SH3RF3: variants seen among roughly 807,000 people sequenced by gnomAD.
SH3RF3 encodes SH3 domain containing ring finger 3.
Under a neutral mutation model 66.3 loss-of-function variants are expected in SH3RF3, and 29 were observed. That is an observed-to-expected ratio of 0.44 (90% CI 0.33 to 0.60). The LOEUF is 0.60. Among genes scored for constraint, SH3RF3 ranks in the 20% least tolerant of loss-of-function variants. SH3RF3 has a pLI of 0.04. For synonymous variants in SH3RF3, 583 were observed against 532.0 expected, an observed-to-expected ratio of 1.10 and a Z score of -1.32; for missense variants, 1,194 against 1,190.9, an observed-to-expected ratio of 1.00 and a Z score of -0.04.
intron 1 of SH3RF3, among the ~76,000 whole-genome samples, chr2:109,193,453 G>A (rs918290083): frequency 6.6e-6 from 1 of 152,332 alleles, no homozygotes; most frequent in Middle Eastern, 3.4e-3. Context: ...CCAGCTCTGG[G>A]CAACTCTGTG....
At chr2:109,305,826 C>G (rs1420485081) in intron 1 of SH3RF3, among the ~76,000 whole-genome samples, 1 of 152,216 alleles carries the variant, frequency 6.6e-6, no homozygotes, top group African/African-American at 2.4e-5. Flanking sequence ...CTCGGCATCT[C>G]TCACTGAGAA....
intron 8 of SH3RF3, among the ~76,000 whole-genome samples, chr2:109,458,049 A>G (rs1678110797): frequency 6.6e-6 from 1 of 152,184 alleles, no homozygotes; most frequent in Non-Finnish European, 1.5e-5. Context: ...CACTCAGGCC[A>G]TGTGGTGCAG....
chr2:109,195,429 T>C (rs2105039479), intron 1 of SH3RF3, among the ~76,000 whole-genome samples: 1 of 152,360 alleles, frequency 6.6e-6, no homozygotes, highest in East Asian at 1.9e-4. Flanking sequence ...CGTCTGCCAC[T>C]CATGCCTGAG....
In SH3RF3 at chr2:109,484,065, TTC is replaced by T. The variant is rs1487008236; in HGVS notation, c.2149-6538_2149-6537del. On this transcript the variant is annotated intron_variant, in intron 8 of 9. Coordinates refer to ENST00000309415, the MANE Select transcript of SH3RF3 (RefSeq NM_001099289.3). ...ACCAAGGTGTGCCATCCTCTGGCCT[TTC>T]TTTTTTTTTTTTTTTTTTGAGACCG... is the stretch of plus-strand genomic sequence containing the variant. 1.4e-4 allele frequency among the ~76,000 whole-genome samples: 11 copies of T among 79,178 alleles called. No individual in the cohort carries two copies. The South Asian group carries it at 2.3e-3, about 17-fold the overall frequency. The allele number at this position is 79,178 out of a possible 152,430, so 51.9% of individuals were successfully genotyped here.
At chr2:109,328,532 A>G (rs1373767036) in intron 1 of SH3RF3, among the ~76,000 whole-genome samples, 2 of 152,024 alleles carry the variant, frequency 1.3e-5, no homozygotes, top group African/African-American at 4.8e-5. Context: ...TTCTAAGAAC[A>G]CTTTCTAGGT....
intron 1 of SH3RF3, among the ~76,000 whole-genome samples, chr2:109,334,840 G>T (rs1682372827): frequency 6.6e-6 from 1 of 152,192 alleles, no homozygotes; most frequent in Admixed American, 6.5e-5. Context: ...CCCCTCAGTA[G>T]CACTTCCAGG....
chr2:109,370,233 C>G (rs4676279), intron 2 of SH3RF3, among the ~76,000 whole-genome samples: 78 of 114,950 alleles, frequency 6.8e-4, no homozygotes, highest in African/African-American at 2.3e-3. Flanking sequence ...CTCTGTCTCT[C>G]TCTCTCTTTT....
chr2:109,219,766 A>G (rs559008908), intron 1 of SH3RF3, among the ~76,000 whole-genome samples: 1 of 152,346 alleles, frequency 6.6e-6, no homozygotes, highest in South Asian at 2.1e-4. Context: ...TGAAAACTAC[A>G]ACATGTTTTT....
rs551361429 is a variant in SH3RF3 at position 109,289,292 on chromosome 2, T to C, written c.574-58382T>C. Among the ~76,000 whole-genome samples the C allele has an allele frequency of 1.1e-4, 16 of 152,340 alleles. No individual in the cohort carries two copies. The South Asian group carries it at 3.3e-3, about 32-fold the overall frequency. ...CTGGCTGGGGTGAGCCTTCTTGTTATTTATTTCCAACTGGAACAGGATTTC... is the reference window on the plus strand; with the variant it reads ...CTGGCTGGGGTGAGCCTTCTTGTTACTTATTTCCAACTGGAACAGGATTTC... On this transcript the variant is annotated intron_variant, in intron 1 of 9. Coordinates refer to ENST00000309415, the MANE Select transcript of SH3RF3 (RefSeq NM_001099289.3).
At chr2:109,244,285 C>CAGCTT (rs1255937403) in intron 1 of SH3RF3, among the ~76,000 whole-genome samples, 2 of 152,168 alleles carry the variant, frequency 1.3e-5, no homozygotes, top group African/African-American at 4.8e-5. Flanking sequence ...CATTATGCAA[C>CAGCTT]AGCTTCTTCA....
intron 1 of SH3RF3, among the ~76,000 whole-genome samples, chr2:109,133,287 C>T (rs1676738549): frequency 1.3e-5 from 2 of 152,184 alleles, no homozygotes; most frequent in Non-Finnish European, 2.9e-5. Context: ...TATTTTGTAT[C>T]TTGAGGTACA....
At chr2:109,453,173 C>T (rs1252714710) in intron 8 of SH3RF3, among the ~76,000 whole-genome samples, 1 of 152,164 alleles carries the variant, frequency 6.6e-6, no homozygotes, top group Non-Finnish European at 1.5e-5. Context: ...ACCAGAGCTC[C>T]TCTCTGGGCC....
At position 109,502,368 on chromosome 2, in the gene SH3RF3, T is replaced by TA. The variant is rs1453552991; in HGVS notation, c.*699dup. ...AAAGCTGTTAGACTTTATATATTTC[T>TA]AATAGGTCAGACATTGCCTATTTTT... On this transcript the variant is annotated 3_prime_UTR_variant, in exon 10 of 10. Transcript: ENST00000309415. The TA allele has an allele frequency of 2.6e-5, 4 of 152,254 alleles. No homozygotes were observed. The highest frequency in any genetic ancestry group is 9.6e-5 in the African/African-American group (4 of 41,470). 9.4% of individuals were successfully genotyped at this position (152,254 alleles called of 1,614,324 possible). A position where few individuals can be genotyped will look rare whatever the true frequency, so the allele number is the denominator to read the frequency against.
intron 8 of SH3RF3, among the ~76,000 whole-genome samples, chr2:109,473,974 C>T: frequency 6.6e-6 from 1 of 152,150 alleles, no homozygotes; most frequent in East Asian, 1.9e-4. Context: ...AGACTCTGTC[C>T]TGGAAGGTGC....
intron 8 of SH3RF3, among the ~76,000 whole-genome samples, chr2:109,456,963 T>G (rs1304459772): frequency 6.6e-6 from 1 of 152,064 alleles, no homozygotes; most frequent in African/African-American, 2.4e-5. Context: ...AAGCTTGAAT[T>G]TGGAGGAGGA....
intron 4 of SH3RF3, among the ~76,000 whole-genome samples, chr2:109,404,971 C>T (rs956119379): frequency 6.6e-6 from 1 of 151,944 alleles, no homozygotes; most frequent in African/African-American, 2.4e-5. Flanking sequence ...CCCCTCCTGC[C>T]AGACCCTCTT....
At chr2:109,288,925 A>T (rs754074874) in intron 1 of SH3RF3, among the ~76,000 whole-genome samples, 5 of 152,104 alleles carry the variant, frequency 3.3e-5, no homozygotes, top group South Asian at 2.1e-4. Context: ...TTGCATCTTG[A>T]CTCCAACCCA....
intron 2 of SH3RF3, among the ~76,000 whole-genome samples, chr2:109,356,026 G>A (rs375253736): frequency 1.3e-5 from 2 of 152,180 alleles, no homozygotes; most frequent in African/African-American, 4.8e-5. Context: ...TATGCTGGTA[G>A]CCCTAACATG....
chr2:109,355,220 T>C (rs1288200436), intron 2 of SH3RF3, among the ~76,000 whole-genome samples: 2 of 152,162 alleles, frequency 1.3e-5, no homozygotes, highest in African/African-American at 4.8e-5. Flanking sequence ...GTAAACGAAA[T>C]TGAGCTTTGT....
Sources: allele counts gnomAD v4.1 joint callset (sites outside exome capture counted in the v4.1 genomes callset), GRCh38; gene constraint gnomAD v4.1.1; transcripts MANE v1.5; gene names NCBI Gene and HGNC (gene_info 2026-07-23, HGNC 2026-07-21).